DCC: variants seen among roughly 807,000 people sequenced by gnomAD.
DCC encodes DCC netrin 1 receptor.
A neutral mutation model predicts 172.5 loss-of-function variants in DCC; 58 were observed. The observed-to-expected ratio is 0.34, with a 90% CI of 0.27 to 0.42. The LOEUF is 0.42. DCC is among the 10% of genes least tolerant of loss of function. The pLI is 1.00. For missense variants in DCC, 1,740 were observed against 1,791.0 expected (o/e 0.97, Z 0.51); for synonymous variants, 709 against 644.5 (o/e 1.10, Z -1.52).
chr18:52,983,687 A>T (rs1012156671), intron 5 of DCC, among the ~76,000 whole-genome samples: 1 of 152,202 alleles, frequency 6.6e-6, no homozygotes, highest in Non-Finnish European at 1.5e-5. Flanking sequence ...CTTGGGAAGA[A>T]ATCTTATTTC....
intron 7 of DCC, among the ~76,000 whole-genome samples, chr18:53,071,805 T>G (rs1045815077): frequency 6.6e-6 from 1 of 152,108 alleles, no homozygotes; most frequent in East Asian, 1.9e-4. Context: ...TACTATTCAG[T>G]GAATAGTCTA....
chr18:52,408,201 A>G (rs1468036816), intron 1 of DCC, among the ~76,000 whole-genome samples: 2 of 152,134 alleles, frequency 1.3e-5, no homozygotes, highest in South Asian at 2.1e-4. Flanking sequence ...ATATACTAGT[A>G]TGAGACTAGT....
At chr18:53,260,599 GTCAGTCTGCCCCTACTGGGGGGTGCC>G (rs2056583866) in intron 12 of DCC, among the ~76,000 whole-genome samples, 1 of 152,168 alleles carries the variant, frequency 6.6e-6, no homozygotes, top group Non-Finnish European at 1.5e-5. Context: ...TGTGTGAGGT[GTCAGTCTGCCCCTACTGGGGGGTGCC>G]TCCCAGTTAG....
At chr18:53,010,449 G>A (rs987675921) in intron 5 of DCC, among the ~76,000 whole-genome samples, 2 of 151,202 alleles carry the variant, frequency 1.3e-5, no homozygotes, top group Admixed American at 6.6e-5. Flanking sequence ...CTTCTTTGTC[G>A]AATATTATCC....
intron 7 of DCC, among the ~76,000 whole-genome samples, chr18:53,093,485 T>C (rs1350978497): frequency 6.6e-6 from 1 of 152,164 alleles, no homozygotes; most frequent in African/African-American, 2.4e-5. Flanking sequence ...CTCAGTTCAA[T>C]ACATTTGAGC....
chr18:52,914,447 A>G (rs1163854436), intron 3 of DCC, among the ~76,000 whole-genome samples: 2 of 152,168 alleles, frequency 1.3e-5, no homozygotes, highest in African/African-American at 4.8e-5. Flanking sequence ...TGTCATTTTT[A>G]GTACTGAATT....
At chr18:52,404,602 A>G (rs534146406) in intron 1 of DCC, among the ~76,000 whole-genome samples, 1 of 152,198 alleles carries the variant, frequency 6.6e-6, no homozygotes, top group South Asian at 2.1e-4. Context: ...ATTGGTAAAA[A>G]TGGGCAGATT....
intron 27 of DCC, among the ~76,000 whole-genome samples, chr18:53,506,928 C>G (rs2046186697): frequency 1.3e-5 from 2 of 151,472 alleles, no homozygotes; most frequent in Non-Finnish European, 2.9e-5. Context: ...GGACTAGTCT[C>G]TCCATCATGC....
At chr18:53,012,585 G>A (rs973541670) in intron 5 of DCC, among the ~76,000 whole-genome samples, 2 of 151,958 alleles carry the variant, frequency 1.3e-5, no homozygotes, top group African/African-American at 4.8e-5. Context: ...TTTTGTTGGT[G>A]TAGACATATA....
chr18:53,140,688 A>T (rs2043816949), intron 7 of DCC, among the ~76,000 whole-genome samples: 1 of 152,304 alleles, frequency 6.6e-6, no homozygotes, highest in East Asian at 1.9e-4. Context: ...GAGACAAAAA[A>T]TTGATTTTTG....
intron 7 of DCC, among the ~76,000 whole-genome samples, chr18:53,130,860 T>A (rs2043641056): frequency 6.6e-6 from 1 of 152,152 alleles, no homozygotes; most frequent in African/African-American, 2.4e-5. Flanking sequence ...TATTGTTTTT[T>A]TCTCGATTTC....
chr18:53,112,280 C>T (rs1469523681), intron 7 of DCC, among the ~76,000 whole-genome samples: 1 of 151,116 alleles, frequency 6.6e-6, no homozygotes, highest in Non-Finnish European at 1.5e-5. Context: ...TCTTATAATA[C>T]TAAAAAAAAA....
chr18:53,256,589 G>A (rs2056519952), intron 12 of DCC, among the ~76,000 whole-genome samples: 2 of 152,254 alleles, frequency 1.3e-5, no homozygotes, highest in South Asian at 4.1e-4. Flanking sequence ...TTTGGTACCA[G>A]TACCATGCTG....
chr18:53,399,342 T>C (rs1057091887), intron 18 of DCC, among the ~76,000 whole-genome samples: 1 of 152,126 alleles, frequency 6.6e-6, no homozygotes, highest in Non-Finnish European at 1.5e-5. Flanking sequence ...AGACAGGTGA[T>C]CACACAGCTA....
chr18:52,568,693 C>A (rs1185476035), intron 1 of DCC, among the ~76,000 whole-genome samples: 3 of 148,270 alleles, frequency 2.0e-5, no homozygotes, highest in Non-Finnish European at 4.6e-5. Flanking sequence ...TGCTTACACA[C>A]ACACACCCCC....
chr18:53,358,765 C>G (rs1432677807), intron 15 of DCC, among the ~76,000 whole-genome samples: 1 of 151,948 alleles, frequency 6.6e-6, no homozygotes, highest in Non-Finnish European at 1.5e-5. Flanking sequence ...CGTGATCTGC[C>G]CACCTCAGCC....
chr18:53,109,710 T>C (rs2043302536), intron 7 of DCC, among the ~76,000 whole-genome samples: 1 of 151,594 alleles, frequency 6.6e-6, no homozygotes, highest in South Asian at 2.1e-4. Context: ...TTTTTGACTG[T>C]CATTAACTGA....
At chr18:53,509,134 C>T (rs1304662352) in intron 27 of DCC, among the ~76,000 whole-genome samples, 4 of 152,126 alleles carry the variant, frequency 2.6e-5, no homozygotes, top group Non-Finnish European at 4.4e-5. Context: ...ATTCCCTGCA[C>T]CAACTCTCTG....
intron 15 of DCC, among the ~76,000 whole-genome samples, chr18:53,374,287 A>G (rs1274480531): frequency 6.6e-6 from 1 of 152,232 alleles, no homozygotes; most frequent in Non-Finnish European, 1.5e-5. Context: ...CACAGAAGGT[A>G]CCATGGGGCA....
Sources: gnomAD v4.1 joint callset for allele counts (sites outside exome capture counted in the v4.1 genomes callset) on GRCh38, gnomAD v4.1.1 for gene constraint, MANE v1.5 for transcripts, NCBI Gene and HGNC (gene_info 2026-07-23, HGNC 2026-07-21) for gene names.